The following SAMD12 variants were observed in gnomAD, a reference collection of about 807,000 sequenced individuals.
The protein encoded by SAMD12 is sterile alpha motif domain-containing protein 12.
Under a neutral mutation model 15.0 loss-of-function variants are expected in SAMD12, and 9 were observed. The observed-to-expected ratio is 0.60, with a 90% CI of 0.36 to 1.05. SAMD12 has a LOEUF of 1.05. Ranked by LOEUF, SAMD12 falls within the 50% of genes least tolerant of loss-of-function variation. SAMD12 has a pLI of 0.01. For synonymous variants in SAMD12, 86 were observed against 90.1 expected, an observed-to-expected ratio of 0.96 and a Z score of 0.25; for missense variants, 230 against 234.2, an observed-to-expected ratio of 0.98 and a Z score of 0.12.
At chr8:118,467,414 A>ACATGAATGT (rs929987985) in intron 2 of SAMD12, among the ~76,000 whole-genome samples, 1 of 152,190 alleles carries the variant, frequency 6.6e-6, no homozygotes, top group Non-Finnish European at 1.5e-5. Flanking sequence ...AGAAAATTTT[A>ACATGAATGT]CATGAATGTT....
chr8:118,591,050 T>C (rs918689419), intron 1 of SAMD12, among the ~76,000 whole-genome samples: 8 of 152,212 alleles, frequency 5.3e-5, no homozygotes, highest in South Asian at 2.1e-4. Flanking sequence ...CAAAGGATAA[T>C]TGGAAAGGGT....
At chr8:118,548,280 C>T (rs1016447992) in intron 2 of SAMD12, among the ~76,000 whole-genome samples, 4 of 151,902 alleles carry the variant, frequency 2.6e-5, no homozygotes, top group Admixed American at 2.0e-4. Context: ...TGGAAGAAAA[C>T]AAAACAGGCT....
chr8:118,373,115 T>C (rs1156899697), downstream of SAMD12, among the ~76,000 whole-genome samples: 2 of 152,130 alleles, frequency 1.3e-5, no homozygotes, highest in African/African-American at 4.8e-5. Context: ...AATACTTGCA[T>C]AACTGTGCAC....
the SAMD12 span, among the ~76,000 whole-genome samples, chr8:118,171,998 C>T: frequency 6.6e-6 from 1 of 151,978 alleles, no homozygotes; most frequent in Non-Finnish European, 1.5e-5. Context: ...AGCAAACTAT[C>T]GCAAGGACAG....
chr8:118,216,051 C>T (rs1335949550), intron 4 of SAMD12, among the ~76,000 whole-genome samples: 4 of 151,840 alleles, frequency 2.6e-5, no homozygotes, highest in African/African-American at 9.7e-5. Context: ...CTGACTTCCA[C>T]AATGGTTGAA....
chr8:118,371,825 A>C (rs1251252678), intron 4 of SAMD12, among the ~76,000 whole-genome samples: 2 of 152,176 alleles, frequency 1.3e-5, no homozygotes, highest in African/African-American at 4.8e-5. Context: ...GCAAAATGCC[A>C]ACAACTAAGA....
chr8:118,323,639 C>CA (rs1435830704), intron 4 of SAMD12, among the ~76,000 whole-genome samples: 1 of 151,866 alleles, frequency 6.6e-6, no homozygotes, highest in Non-Finnish European at 1.5e-5. Context: ...TGTGGTGACA[C>CA]ACACCTGTAG....
the SAMD12 span, among the ~76,000 whole-genome samples, chr8:118,152,052 A>G: frequency 6.6e-6 from 1 of 152,136 alleles, no homozygotes; most frequent in African/African-American, 2.4e-5. Context: ...TATAAAGAGC[A>G]TGTCCAATTT....
intron 2 of SAMD12, among the ~76,000 whole-genome samples, chr8:118,543,631 C>CTTTTTT (rs397978436): frequency 8.6e-6 from 1 of 116,632 alleles, no homozygotes. Context: ...TTCTTTCTTT[C>CTTTTTT]TTTTTTTTTT....
intron 2 of SAMD12, among the ~76,000 whole-genome samples, chr8:118,508,510 A>C (rs1005234699): frequency 3.9e-5 from 6 of 152,206 alleles, no homozygotes; most frequent in Non-Finnish European, 5.9e-5. Flanking sequence ...AATAAGCCTT[A>C]AGTTGTTAAT....
intron 4 of SAMD12, among the ~76,000 whole-genome samples, chr8:118,250,038 G>A (rs1586385082): frequency 6.6e-6 from 1 of 152,056 alleles, no homozygotes; most frequent in Admixed American, 6.5e-5. Flanking sequence ...ATCTCACCTG[G>A]GTCTTCACTT....
At chr8:118,453,967 T>C (rs1449963492) in intron 2 of SAMD12, among the ~76,000 whole-genome samples, 1 of 152,210 alleles carries the variant, frequency 6.6e-6, no homozygotes, top group African/African-American at 2.4e-5. Flanking sequence ...CAGATTACAC[T>C]GGCTGCTCCC....
chr8:118,309,386 G>GTGTGTC (rs1815519632), intron 4 of SAMD12, among the ~76,000 whole-genome samples: 1 of 151,166 alleles, frequency 6.6e-6, no homozygotes, highest in African/African-American at 2.5e-5. Context: ...ATATATGTGT[G>GTGTGTC]TGTGTGTGTG....
At chr8:118,557,733 C>T (rs1418212102) in intron 2 of SAMD12, among the ~76,000 whole-genome samples, 3 of 152,112 alleles carry the variant, frequency 2.0e-5, no homozygotes, top group Non-Finnish European at 2.9e-5. Flanking sequence ...ACATTTCAAA[C>T]ACAAGGACCT....
intron 1 of SAMD12, among the ~76,000 whole-genome samples, chr8:118,616,644 T>C (rs1199489976): frequency 3.3e-5 from 5 of 152,324 alleles, no homozygotes; most frequent in Middle Eastern, 3.4e-3. Context: ...TCCCCACCTC[T>C]TCCTTTGGGT....
At chr8:118,295,357 AT>A (rs1196090328) in intron 4 of SAMD12, among the ~76,000 whole-genome samples, 6 of 152,212 alleles carry the variant, frequency 3.9e-5, no homozygotes, top group Non-Finnish European at 4.4e-5. Context: ...TATAGATAAC[AT>A]TTTTTATCAT....
intron 1 of SAMD12, among the ~76,000 whole-genome samples, chr8:118,612,097 G>C (rs947324936): frequency 6.6e-6 from 1 of 152,082 alleles, no homozygotes; most frequent in East Asian, 1.9e-4. Context: ...ATTTTCTCAG[G>C]CTTCACGAGA....
At chr8:118,517,629 C>G (rs1182008852) in intron 2 of SAMD12, among the ~76,000 whole-genome samples, 1 of 152,100 alleles carries the variant, frequency 6.6e-6, no homozygotes, top group African/African-American at 2.4e-5. Flanking sequence ...CTGGTGCTGC[C>G]CATCAGGAGG....
At chr8:118,248,180 G>A (rs1417281893) in intron 4 of SAMD12, among the ~76,000 whole-genome samples, 1 of 152,062 alleles carries the variant, frequency 6.6e-6, no homozygotes, top group Non-Finnish European at 1.5e-5. Flanking sequence ...TCCACTGTAG[G>A]AACTGTGCTT....
Sources: allele counts gnomAD v4.1 joint callset (sites outside exome capture counted in the v4.1 genomes callset), GRCh38; gene constraint gnomAD v4.1.1; transcripts MANE v1.5; gene names NCBI Gene and HGNC (gene_info 2026-07-23, HGNC 2026-07-21).